Variants in LGR5 observed in about 807,000 individuals in gnomAD.
LGR5 encodes the protein leucine rich repeat containing G protein-coupled receptor 5.
LGR5 carries 54 observed loss-of-function variants against 76.7 expected under a neutral mutation model. The observed-to-expected ratio is 0.70, with a 90% CI of 0.57 to 0.88. The LOEUF is 0.88. Ranked by LOEUF, LGR5 falls within the 40% of genes least tolerant of loss-of-function variation. The pLI, the probability that LGR5 is intolerant of heterozygous loss-of-function variation, is 0.00. For missense variants in LGR5, 1,078 were observed against 1,073.3 expected, an observed-to-expected ratio of 1.00 and a Z score of -0.06; for synonymous variants, 406 against 421.9, an observed-to-expected ratio of 0.96 and a Z score of 0.46.
intron 2 of LGR5, among the ~76,000 whole-genome samples, chr12:71,523,257 A>G (rs1875812558): frequency 6.6e-6 from 1 of 152,150 alleles, no homozygotes. Context: ...TAAAGATAGT[A>G]TCAAAGGTAT....
intron 1 of LGR5, among the ~76,000 whole-genome samples, chr12:71,492,757 A>T (rs1172498193): frequency 6.6e-6 from 1 of 151,814 alleles, no homozygotes; most frequent in African/African-American, 2.4e-5. Flanking sequence ...CTTAAGGTAC[A>T]GGTTTCTTTG....
At position 71,457,239 on chromosome 12, in the gene LGR5, A is replaced by C. The variant is rs555301388; in HGVS notation, c.212+16947A>C. The stretch of plus-strand genomic sequence containing the variant: ...CCAAGCCGCAGTCCCTGTTGGAAAC[A>C]GAGTCCGGCCTGGCCGTGGGAAATA... On this transcript the variant is annotated intron_variant, in intron 1 of 17. Coordinates refer to ENST00000266674, the MANE Select transcript of LGR5 (RefSeq NM_003667.4). Among the ~76,000 whole-genome samples, 7 of 152,342 alleles carry C rather than the reference A, an allele frequency of 4.6e-5. No homozygotes were observed. In the South Asian group the frequency reaches 1.4e-3, roughly 32 times the overall value.
At chr12:71,582,012 C>CA (rs1879113676) in intron 16 of LGR5, among the ~76,000 whole-genome samples, 1 of 152,196 alleles carries the variant, frequency 6.6e-6, no homozygotes, top group African/African-American at 2.4e-5. Flanking sequence ...CAGAATTCCC[C>CA]AGGGAAGACT....
rs1181503693 is a variant in LGR5, at chr12:71,578,892, C to T, written c.1369C>T (p.Gln457Ter). ...HLKLTGNHAL[Q>*]SLISSENFPE... ...AAAATTAACAGGAAATCATGCCTTA[C>T]AGAGCTTGATATCATCTGAAAACTT... The change falls in exon 15 of 18, where the codon CAG becomes TAG. Residue 457 changes from glutamine (Q) to a stop codon, truncating the protein, a stop_gained. Transcript: ENST00000266674. LOFTEE classifies it high-confidence loss of function. 1 of 1,611,780 alleles carries T rather than the reference C, an allele frequency of 6.2e-7. No homozygotes were observed. The highest frequency in any genetic ancestry group is 8.5e-7 in the Non-Finnish European group (1 of 1,178,826).
intron 1 of LGR5, among the ~76,000 whole-genome samples, chr12:71,497,245 G>A (rs995226631): frequency 1.3e-5 from 2 of 152,052 alleles, no homozygotes; most frequent in Non-Finnish European, 2.9e-5. Context: ...GGACTTGGAG[G>A]TTGTGGCTGC....
chr12:71,486,317 C>A (rs1873825287), intron 1 of LGR5, among the ~76,000 whole-genome samples: 1 of 152,158 alleles, frequency 6.6e-6, no homozygotes, highest in South Asian at 2.1e-4. Context: ...TAGTCAGTGT[C>A]CTCGAGTTGT....
rs566464587 is a variant in LGR5 at position 71,498,629 on chromosome 12, C to T, written c.213-5985C>T. Among the ~76,000 whole-genome samples the T allele has an allele frequency of 2.1e-4, 32 of 152,304 alleles. No homozygotes were observed. The South Asian group carries it at 3.3e-3, about 16-fold the overall frequency. ...GGGCTCCTCTTTCATGACCTAATTA[C>T]CTCCCAAAGGCACCATCTCCAAATA... On this transcript the variant is annotated intron_variant, in intron 1 of 17. Transcript: ENST00000266674.
intron 1 of LGR5, among the ~76,000 whole-genome samples, chr12:71,470,993 A>T (rs1004481299): frequency 6.6e-6 from 1 of 152,158 alleles, no homozygotes. Flanking sequence ...TACCAAATTC[A>T]TAACTATTTG....
chr12:71,492,806 G>T (rs1874133196), intron 1 of LGR5, among the ~76,000 whole-genome samples: 1 of 145,618 alleles, frequency 6.9e-6, no homozygotes, highest in Non-Finnish European at 1.5e-5. Flanking sequence ...TATGCATGAA[G>T]AGGCCCTCTT....
intron 4 of LGR5, among the ~76,000 whole-genome samples, chr12:71,538,617 G>C (rs1163203555): frequency 6.6e-6 from 1 of 152,206 alleles, no homozygotes; most frequent in African/African-American, 2.4e-5. Context: ...GATCTGCAAA[G>C]TATTCTCCAG....
intron 4 of LGR5, among the ~76,000 whole-genome samples, chr12:71,541,076 C>T (rs1228183417): frequency 6.6e-6 from 1 of 152,144 alleles, no homozygotes; most frequent in Admixed American, 6.5e-5. Context: ...CACAGTGAAG[C>T]GTTCACTTCA....
chr12:71,578,619 C>T (rs975812929), intron 14 of LGR5, among the ~76,000 whole-genome samples, 185 bp from the exon 15 acceptor site: 1 of 152,106 alleles, frequency 6.6e-6, no homozygotes. Context: ...CCCCTACAAT[C>T]CTGATTGTGA....
At chr12:71,569,429 C>T (rs1319233990) in intron 11 of LGR5, among the ~76,000 whole-genome samples, 1 of 152,174 alleles carries the variant, frequency 6.6e-6, no homozygotes, top group Admixed American at 6.5e-5. Context: ...GGGCTAATAT[C>T]CAGAATCTAC....
chr12:71,458,000 C>T (rs185826808), intron 1 of LGR5, among the ~76,000 whole-genome samples: 1 of 152,254 alleles, frequency 6.6e-6, no homozygotes, highest in East Asian at 1.9e-4. Flanking sequence ...CAGTTACCAA[C>T]TTCAGTAGTG....
intron 14 of LGR5, among the ~76,000 whole-genome samples, chr12:71,578,427 C>T (rs1592564129): frequency 6.6e-6 from 1 of 152,258 alleles, no homozygotes; most frequent in Admixed American, 6.5e-5. Context: ...ATTGGTTAGA[C>T]AGAAGTTAGG....
chr12:71,580,628 C>T (rs1879051168), intron 16 of LGR5, among the ~76,000 whole-genome samples: 1 of 152,102 alleles, frequency 6.6e-6, no homozygotes, highest in South Asian at 2.1e-4. Context: ...AAACCCCTAT[C>T]TCTGCTAAAA....
intron 4 of LGR5, 64 bp from the exon 5 acceptor site, chr12:71,553,009 T>C (rs758394046): frequency 8.4e-5 from 126 of 1,504,656 alleles, no homozygotes; most frequent in Non-Finnish European, 1.1e-4. Context: ...AGGGTTTTCC[T>C]GCAAAGTTGA....
chr12:71,474,487 A>G (rs973372196), intron 1 of LGR5, among the ~76,000 whole-genome samples: 1 of 152,230 alleles, frequency 6.6e-6, no homozygotes, highest in Non-Finnish European at 1.5e-5. Context: ...GATAAGCTTC[A>G]GTTTAGGTGG....
intron 1 of LGR5, among the ~76,000 whole-genome samples, chr12:71,474,701 G>A (rs2137249095): frequency 6.6e-6 from 1 of 152,318 alleles, no homozygotes; most frequent in South Asian, 2.1e-4. Flanking sequence ...ATGACAGTAT[G>A]TGGAAAAATC....
Sources: gnomAD v4.1 joint callset for allele counts (sites outside exome capture counted in the v4.1 genomes callset) on GRCh38, gnomAD v4.1.1 for gene constraint, MANE v1.5 for transcripts, NCBI Gene and HGNC (gene_info 2026-07-23, HGNC 2026-07-21) for gene names.